Variants in ABTB3 observed in about 807,000 individuals in gnomAD.
ABTB3 encodes ankyrin repeat- and BTB/POZ domain-containing protein 3.
At chr12:107,318,968 G>T in the ABTB3 span, 1 of 1,613,206 alleles carries the variant, frequency 6.2e-7, no homozygotes, top group Non-Finnish European at 8.5e-7. Flanking sequence ...GAAGCCCGTG[G>T]TGAGAACGCT....
the ABTB3 span, among the ~76,000 whole-genome samples, chr12:107,527,930 G>A: frequency 3.9e-5 from 6 of 152,318 alleles, no homozygotes; most frequent in South Asian, 2.1e-4. Flanking sequence ...CTTAGGGCAA[G>A]TGACTTGATC....
the ABTB3 span, among the ~76,000 whole-genome samples, chr12:107,398,865 A>C: frequency 2.2e-4 from 34 of 152,326 alleles, 1 homozygote; most frequent in Admixed American, 1.4e-3. Flanking sequence ...TACAATCAGT[A>C]AACCAGTAAG....
chr12:107,352,183 C>A, the ABTB3 span, among the ~76,000 whole-genome samples: 3 of 152,082 alleles, frequency 2.0e-5, no homozygotes, highest in Non-Finnish European at 2.9e-5. Flanking sequence ...GTGCAGGGTG[C>A]TGTGGGTACC....
At chr12:107,363,983 TAAC>T in the ABTB3 span, among the ~76,000 whole-genome samples, 81 of 152,328 alleles carry the variant, frequency 5.3e-4, no homozygotes, top group Middle Eastern at 3.4e-3. Flanking sequence ...AAAGTGGGGT[TAAC>T]AACAGCACCC....
chr12:107,500,065 G>A, the ABTB3 span, among the ~76,000 whole-genome samples: 1 of 152,152 alleles, frequency 6.6e-6, no homozygotes, highest in Non-Finnish European at 1.5e-5. Flanking sequence ...CAGCCATGGA[G>A]GAAATCACCT....
chr12:107,335,366 A>G, the ABTB3 span, among the ~76,000 whole-genome samples: 5 of 148,212 alleles, frequency 3.4e-5, no homozygotes, highest in South Asian at 2.1e-4. Context: ...CACACTAACC[A>G]TAATGATTCT....
chr12:107,548,935 G>T, the ABTB3 span, among the ~76,000 whole-genome samples: 1 of 152,146 alleles, frequency 6.6e-6, no homozygotes, highest in African/African-American at 2.4e-5. Flanking sequence ...GTTGCCTCAG[G>T]TAGCTAGCTG....
chr12:107,518,984 A>G, the ABTB3 span, among the ~76,000 whole-genome samples: 22 of 152,198 alleles, frequency 1.4e-4, no homozygotes, highest in Non-Finnish European at 3.1e-4. Flanking sequence ...TCATGGGATT[A>G]TGTGTGTTCT....
chr12:107,414,716 C>CTTTTTTTTTTTTTTTTTTTTT, the ABTB3 span, among the ~76,000 whole-genome samples: 1 of 144,726 alleles, frequency 6.9e-6, no homozygotes, highest in African/African-American at 2.6e-5. Context: ...CTTTTCTTTT[C>CTTTTTTTTTTTTTTTTTTTTT]TTTTTCTTTT....
chr12:107,370,321 A>G, the ABTB3 span, among the ~76,000 whole-genome samples: 1 of 152,130 alleles, frequency 6.6e-6, no homozygotes, highest in Admixed American at 6.5e-5. Context: ...TGACCTTCCC[A>G]CCAATGAGCA....
chr12:107,439,536 C>T, the ABTB3 span, among the ~76,000 whole-genome samples: 7 of 152,250 alleles, frequency 4.6e-5, no homozygotes, highest in East Asian at 1.4e-3. Flanking sequence ...GGCTGAGGCT[C>T]CACCTAATGA....
At chr12:107,332,699 C>G in the ABTB3 span, among the ~76,000 whole-genome samples, 1 of 152,104 alleles carries the variant, frequency 6.6e-6, no homozygotes, top group South Asian at 2.1e-4. Flanking sequence ...GGGTTGAACC[C>G]AGGCCATCCT....
the ABTB3 span, among the ~76,000 whole-genome samples, chr12:107,406,602 C>G: frequency 4.7e-4 from 71 of 152,262 alleles, no homozygotes; most frequent in East Asian, 0.013. Flanking sequence ...CCAATATTCA[C>G]GGAGCATTTC....
the ABTB3 span, among the ~76,000 whole-genome samples, chr12:107,424,266 T>C: frequency 2.6e-5 from 4 of 152,226 alleles, no homozygotes; most frequent in African/African-American, 9.6e-5. Context: ...GCTTCTCCAG[T>C]GCATCCTTGG....
At chr12:107,517,588 CTTGTAAG>C in the ABTB3 span, among the ~76,000 whole-genome samples, 1 of 152,130 alleles carries the variant, frequency 6.6e-6, no homozygotes, top group Non-Finnish European at 1.5e-5. Flanking sequence ...CTTCACATTC[CTTGTAAG>C]TTGGATTCCT....
At chr12:107,500,101 C>T in the ABTB3 span, among the ~76,000 whole-genome samples, 1,285 of 152,252 alleles carry the variant, frequency 8.4e-3, 32 homozygotes, top group East Asian at 0.047. Context: ...CCCTGACATG[C>T]GGCGATTACA....
At chr12:107,401,981 T>C in the ABTB3 span, among the ~76,000 whole-genome samples, 1 of 143,462 alleles carries the variant, frequency 7.0e-6, no homozygotes, top group South Asian at 2.5e-4. Context: ...CTCAGAAGCC[T>C]CCCTGCCTGT....
At chr12:107,401,177 T>A in the ABTB3 span, among the ~76,000 whole-genome samples, 1 of 152,198 alleles carries the variant, frequency 6.6e-6, no homozygotes, top group Non-Finnish European at 1.5e-5. Flanking sequence ...TGTGCAATAT[T>A]TTCTCTGCCT....
chr12:107,624,562 G>A, the ABTB3 span, among the ~76,000 whole-genome samples: 4 of 152,134 alleles, frequency 2.6e-5, no homozygotes, highest in East Asian at 1.9e-4. Flanking sequence ...TTTAAAGAAC[G>A]TGATTTAAAT....
Sources: allele counts gnomAD v4.1 joint callset (sites outside exome capture counted in the v4.1 genomes callset), GRCh38; gene constraint gnomAD v4.1.1; transcripts MANE v1.5; gene names NCBI Gene and HGNC (gene_info 2026-07-23, HGNC 2026-07-21).